NEB: variants seen among roughly 807,000 people sequenced by gnomAD.
NEB encodes nemaline myopathy type 2.
In NEB, 512 loss-of-function variants were observed where a neutral mutation model predicts 952.2. The ratio of observed to expected loss-of-function variants is 0.54; its 90% CI spans 0.50 to 0.58. The LOEUF is 0.58. NEB is among the 20% of genes least tolerant of loss of function. NEB has a pLI of 0.00. For missense variants in NEB, 8,428 were observed against 9,231.1 expected (o/e 0.91, Z 3.56); for synonymous variants, 2,900 against 3,149.8 (o/e 0.92, Z 2.66).
At chr2:151,671,940 T>C (rs1173314628) in intron 37 of NEB, among the ~76,000 whole-genome samples, 1 of 152,000 alleles carries the variant, frequency 6.6e-6, no homozygotes, top group African/African-American at 2.4e-5. Flanking sequence ...AGATGACTCA[T>C]TACAGAGATT....
intron 60 of NEB, 87 bp downstream of exon 60, chr2:151,642,487 T>C (rs1171494810): frequency 1.8e-6 from 2 of 1,113,208 alleles, no homozygotes; most frequent in Non-Finnish European, 1.3e-6. Context: ...TTTAACCTCA[T>C]GGCTTACTTG....
At chr2:151,525,505 T>A (rs1331514749) in intron 150 of NEB, among the ~76,000 whole-genome samples, 5 of 152,196 alleles carry the variant, frequency 3.3e-5, no homozygotes. Context: ...TAAGCTCTTT[T>A]ATTTACTATT....
rs557552315 is a variant in NEB, at chr2:151,549,813, T to C, written c.19945-73A>G. 7.2e-5 allele frequency: 60 copies of C among 838,476 alleles called. 1 individual carries two copies. In the South Asian group the frequency reaches 8.1e-4, roughly 11 times the overall value. 51.9% of individuals were successfully genotyped at this position (838,476 alleles called of 1,614,324 possible). ...ACTGATCTGAGCTTAACAAATCACA[T>C]ATAGCTCATGTTACAGTTTTGACTA... On this transcript the variant is annotated intron_variant, in intron 129 of 181. Transcript: ENST00000397345.
At position 151,494,164 on chromosome 2, in the gene NEB, G is replaced by A; in HGVS notation, c.24576C>T (p.Ser8192=). The change falls in exon 174 of 182, where the codon AGC becomes AGT. Residue 8192 remains serine, a synonymous_variant. Transcript: ENST00000397345. The part of the protein sequence containing the change: ...QRVKRNQENI[S]SVLYKENLGK... ...CTTTTGTTTCTCAAGACAATACCGA[G>A]CTAATGTTTTCTTGATTGCGTTTGA... 1 of 1,603,642 alleles carries A rather than the reference G, an allele frequency of 6.2e-7. No homozygotes were observed.
intron 9 of NEB, among the ~76,000 whole-genome samples, chr2:151,720,970 C>A (rs1479387394): frequency 6.6e-6 from 1 of 152,142 alleles, no homozygotes; most frequent in Non-Finnish European, 1.5e-5. Context: ...CTTCAATCAT[C>A]TCAACTCCAT....
At chr2:151,493,076 C>G (rs1333756318) in intron 176 of NEB, 2 of 344,108 alleles carry the variant, frequency 5.8e-6, no homozygotes, top group Non-Finnish European at 1.1e-5. Flanking sequence ...AGAACTACCT[C>G]AAAGTATAGG....
At chr2:151,551,696 G>A (rs774765719) in intron 129 of NEB, 42 bp downstream of exon 129, 4 of 1,477,788 alleles carry the variant, frequency 2.7e-6, no homozygotes, top group South Asian at 2.3e-5. Flanking sequence ...GAGGCTGATG[G>A]AACGGATTTC....
At position 151,678,178 on chromosome 2, in the gene NEB, T is replaced by C; in HGVS notation, c.3265A>G (p.Lys1089Glu). ...CCTTTAGCCTTTTCATAGTCTTTTTTGTACTGAACCTATTGTAAACAAAGG... is the reference window on the plus strand; with the variant it reads ...CCTTTAGCCTTTTCATAGTCTTTTTCGTACTGAACCTATTGTAAACAAAGG... The part of the protein sequence containing the change: ...ARQAASDVQY[K>E]KDYEKAKGKM... The change falls in exon 33 of 182, where the codon AAA becomes GAA. Residue 1089 changes from lysine to glutamate, a missense_variant. Transcript: ENST00000397345. 3.8e-6 allele frequency: 6 copies of C among 1,596,418 alleles called. No individual in the cohort carries two copies. Among genetic ancestry groups the C allele is most frequent in the Non-Finnish European group, 5.1e-6 (6 of 1,170,376 alleles).
chr2:151,638,477 G>A (rs367642307), intron 63 of NEB, among the ~76,000 whole-genome samples: 6 of 152,304 alleles, frequency 3.9e-5, no homozygotes, highest in South Asian at 2.1e-4. Flanking sequence ...CCATCTCTGG[G>A]GGTTGGCACA....
intron 146 of NEB, among the ~76,000 whole-genome samples, chr2:151,527,907 G>A (rs772698503): frequency 5.9e-5 from 9 of 152,118 alleles, no homozygotes; most frequent in African/African-American, 1.9e-4. Flanking sequence ...AACTAAATTC[G>A]GGTTTAATTT....
chr2:151,563,563 C>T (rs2096219117), intron 119 of NEB, 43 bp downstream of exon 119: 2 of 1,533,074 alleles, frequency 1.3e-6, no homozygotes, highest in Non-Finnish European at 1.8e-6. Context: ...CGGCAGCACA[C>T]TTATGGGGCA....
intron 124 of NEB, among the ~76,000 whole-genome samples, chr2:151,558,055 A>G (rs754556507): frequency 6.6e-6 from 1 of 152,182 alleles, no homozygotes; most frequent in East Asian, 1.9e-4. Flanking sequence ...ACGGTATTCA[A>G]TTAGGAAAAG....
rs1210833671 is a variant in NEB, at chr2:151,662,350, G to A, written c.5764-9C>T. On this transcript the variant is annotated splice_polypyrimidine_tract_variant and intron_variant, in intron 45 of 181. Coordinates refer to ENST00000397345, the MANE Select transcript of NEB (RefSeq NM_001164508.2). ...TCAGCCTTGTACTGATTCTGCAAAAGAGGAAAAATTAAATTATGAGAAGAA... is the reference window on the plus strand; with the variant it reads ...TCAGCCTTGTACTGATTCTGCAAAAAAGGAAAAATTAAATTATGAGAAGAA... The A allele has an allele frequency of 2.0e-6, 3 of 1,538,256 alleles. No homozygotes were observed. Among genetic ancestry groups the A allele is most frequent in the South Asian group, 1.3e-5 (1 of 76,316 alleles).
intron 28 of NEB, among the ~76,000 whole-genome samples, chr2:151,684,514 T>C (rs1209287965): frequency 6.6e-6 from 1 of 152,200 alleles, no homozygotes; most frequent in Non-Finnish European, 1.5e-5. Flanking sequence ...ACAATGTTTT[T>C]GATTTATTTC....
intron 17 of NEB, among the ~76,000 whole-genome samples, chr2:151,696,046 T>C (rs1439328875): frequency 6.6e-6 from 1 of 152,212 alleles, no homozygotes; most frequent in Admixed American, 6.5e-5. Context: ...CTCACAGACA[T>C]CAGGGCTTTT....
chr2:151,694,385 G>A lies in NEB; in HGVS notation c.1834C>T (p.Leu612Phe). 1 of 1,613,934 alleles carries A rather than the reference G, an allele frequency of 6.2e-7. No homozygotes were observed. Among genetic ancestry groups the A allele is most frequent in the Non-Finnish European group, 8.5e-7 (1 of 1,179,886 alleles). Residue 612 changes from leucine to phenylalanine, a missense_variant, in exon 20 of 182, where the codon CTC becomes TTC. Around this residue, in one of 11 missense-constraint regions of NEB, gnomAD observed 2,851 missense variants for 2,791.5 expected, o/e 1.02. Coordinates refer to ENST00000397345, the MANE Select transcript of NEB (RefSeq NM_001164508.2). The part of the protein sequence containing the change: ...EKNKGKMIGV[L>F]SINDDPKMLH... ...ATCTTGGGATCGTCATTAATGCTGAGGACTCCAATCATTTTCCCTTTGTTT... is the reference window on the plus strand; with the variant it reads ...ATCTTGGGATCGTCATTAATGCTGAAGACTCCAATCATTTTCCCTTTGTTT...
rs757819342 is a variant in NEB, at chr2:151,535,804, A to C, written c.21208-9T>G. ...ACTTCTTTATACTTATACTAGAAAA[A>C]ACAGAACATGGTTACTTGACAGCAG... On this transcript the variant is annotated splice_polypyrimidine_tract_variant and intron_variant, in intron 141 of 181. Coordinates refer to ENST00000397345, the MANE Select transcript of NEB (RefSeq NM_001164508.2). The C allele has an allele frequency of 2.0e-6, 3 of 1,484,628 alleles. No individual in the cohort carries two copies. In the South Asian group the frequency reaches 3.6e-5, roughly 18 times the overall value. 92.0% of individuals were successfully genotyped at this position (1,484,628 alleles called of 1,614,324 possible).
intron 34 of NEB, 56 bp from the exon 35 acceptor site, chr2:151,675,447 T>C (rs561020159): frequency 8.4e-7 from 1 of 1,191,986 alleles, no homozygotes; most frequent in Non-Finnish European, 1.2e-6. Context: ...AATTGTTTGC[T>C]TTAAAGAGTT....
chr2:151,512,722 A>T lies in NEB; in HGVS notation c.23346+11T>A, dbSNP rs1206322342. On this transcript the variant is annotated intron_variant, in intron 161 of 181. Transcript: ENST00000397345. Reference sequence around the variant, plus strand: ...GGGGTTTATGAGTGATGGCATGACGAATGTCCTTACCTGGCTTGAAAGATT... The same window carrying T: ...GGGGTTTATGAGTGATGGCATGACGTATGTCCTTACCTGGCTTGAAAGATT... 6.3e-7 allele frequency: 1 copy of T among 1,594,640 alleles called. No homozygotes were observed. The highest frequency in any genetic ancestry group is 1.1e-5 in the South Asian group (1 of 90,414).
Sources: allele counts gnomAD v4.1 joint callset (sites outside exome capture counted in the v4.1 genomes callset), GRCh38; gene constraint gnomAD v4.1.1; regional missense constraint gnomAD v4.1.1; transcripts MANE v1.5; gene names NCBI Gene and HGNC (gene_info 2026-07-23, HGNC 2026-07-21).